BRI3: variants seen among roughly 807,000 people sequenced by gnomAD.
The protein encoded by BRI3 is brain protein I3.
In BRI3, 6 loss-of-function variants were observed where a neutral mutation model predicts 12.8. The observed-to-expected ratio is 0.47, with a 90% CI of 0.26 to 0.93. The LOEUF (loss-of-function observed/expected upper bound fraction) is 0.93, where lower values mean the gene tolerates loss of function less well. Among genes scored for constraint, BRI3 ranks in the 40% least tolerant of loss-of-function variants. BRI3 has a pLI of 0.15. For missense variants in BRI3, 134 were observed against 171.1 expected (o/e 0.78, Z 1.21); for synonymous variants, 91 against 76.1 (o/e 1.20, Z -1.02).
the BRI3 span, among the ~76,000 whole-genome samples, chr7:98,317,905 G>T: frequency 6.7e-6 from 1 of 149,982 alleles, no homozygotes; most frequent in Non-Finnish European, 1.5e-5. Flanking sequence ...TGCTGGCTGG[G>T]ACCCTCACCC....
At chr7:98,318,217 A>G in the BRI3 span, among the ~76,000 whole-genome samples, 1 of 152,196 alleles carries the variant, frequency 6.6e-6, no homozygotes, top group Non-Finnish European at 1.5e-5. Context: ...CCAAGTCTCT[A>G]AGGACATCTT....
chr7:98,302,252 G>A (rs1409824568), upstream of BRI3, among the ~76,000 whole-genome samples: 2 of 152,152 alleles, frequency 1.3e-5, no homozygotes, highest in African/African-American at 4.8e-5. Context: ...TTATCCACAC[G>A]ATAAATACGC....
the BRI3 span, among the ~76,000 whole-genome samples, chr7:98,316,244 A>G: frequency 6.6e-6 from 1 of 152,146 alleles, no homozygotes; most frequent in East Asian, 1.9e-4. Context: ...CTCCCCGGCC[A>G]TGTGGAACTG....
At chr7:98,311,487 G>A (rs912056842), downstream of BRI3, among the ~76,000 whole-genome samples, 1 of 151,660 alleles carries the variant, frequency 6.6e-6, no homozygotes, top group Non-Finnish European at 1.5e-5. Context: ...CCTACAGTGA[G>A]CCGAGATTGC....
exon 2 of BRI3, chr7:98,307,604 G>A: frequency 6.4e-7 from 1 of 1,565,214 alleles, no homozygotes; most frequent in Non-Finnish European, 8.7e-7. Context: ...ATGTGAGCAT[G>A]TCCACGAAGA....
chr7:98,302,588 GGGAACGCAGAAA>G (rs150628574), upstream of BRI3, among the ~76,000 whole-genome samples: 60,966 of 151,832 alleles, frequency 0.4, 13,335 homozygotes, highest in Middle Eastern at 0.54. Context: ...GGAGACACGG[GGGAACGCAGAAA>G]GGACACCAAC....
At chr7:98,318,358 G>A in the BRI3 span, among the ~76,000 whole-genome samples, 8 of 152,176 alleles carry the variant, frequency 5.3e-5, no homozygotes, top group African/African-American at 1.2e-4. Flanking sequence ...AGCTGAGATC[G>A]CGCCACTGCA....
the BRI3 span, among the ~76,000 whole-genome samples, chr7:98,318,437 C>T: frequency 6.6e-6 from 1 of 151,930 alleles, no homozygotes; most frequent in Non-Finnish European, 1.5e-5. Context: ...TACAGGCGCA[C>T]ACAACCACGC....
chr7:98,316,311 C>T, the BRI3 span, among the ~76,000 whole-genome samples: 1 of 152,016 alleles, frequency 6.6e-6, no homozygotes, highest in African/African-American at 2.4e-5. Context: ...TATGTCTTTA[C>T]CAGCAGCATG....
chr7:98,290,282 G>A lies in BRI3; in HGVS notation c.246-829G>A, dbSNP rs1210047410. Among the ~76,000 whole-genome samples the A allele has an allele frequency of 3.5e-5, 5 of 143,746 alleles. No homozygotes were observed. The South Asian group carries it at 1.2e-3, about 33-fold the overall frequency. The allele number at this position is 143,746 out of a possible 152,430, so 94.3% of individuals were successfully genotyped here. ...ACAATCTCGGCTCACTGCAAGCTCC[G>A]CTTCCTGGGTTCACGCCATTCTCCT... On this transcript the variant is annotated intron_variant, in intron 2 of 2. Coordinates refer to ENST00000297290, the MANE Select transcript of BRI3 (RefSeq NM_015379.5).
chr7:98,322,932 G>C, the BRI3 span: 4 of 152,238 alleles, frequency 2.6e-5, no homozygotes, highest in Non-Finnish European at 5.9e-5. Context: ...AGACAAGGTG[G>C]GGTCAGAGGC....
chr7:98,315,561 C>G, the BRI3 span: 1 of 1,498,656 alleles, frequency 6.7e-7, no homozygotes, highest in East Asian at 2.5e-5. Context: ...TTGCAACCAT[C>G]TGCAATGAAT....
chr7:98,320,243 A>G, the BRI3 span: 19 of 1,608,906 alleles, frequency 1.2e-5, no homozygotes, highest in East Asian at 3.8e-4. Context: ...GTACATTTTC[A>G]TCAAGACTCT....
At chr7:98,300,905 G>T (rs1223578593) in intron 1 of BRI3, among the ~76,000 whole-genome samples, 1 of 152,130 alleles carries the variant, frequency 6.6e-6, no homozygotes, top group African/African-American at 2.4e-5. Flanking sequence ...TCAGAGCCTG[G>T]CTCCGACGCT....
downstream of BRI3, among the ~76,000 whole-genome samples, chr7:98,297,335 G>C (rs1800234730): frequency 6.6e-6 from 1 of 152,214 alleles, no homozygotes; most frequent in Non-Finnish European, 1.5e-5. Context: ...CCAGGTTGGG[G>C]GACTAGTTGA....
chr7:98,305,046 T>TG (rs1800593353), upstream of BRI3, among the ~76,000 whole-genome samples: 1 of 120,618 alleles, frequency 8.3e-6, no homozygotes, highest in Admixed American at 8.4e-5. Context: ...TTTTGTTTTT[T>TG]GTTTTTTTTT....
exon 2 of BRI3, chr7:98,308,466 AT>A (rs1800748407): frequency 2.7e-6 from 1 of 366,200 alleles, no homozygotes; most frequent in Non-Finnish European, 5.4e-6. Flanking sequence ...CACAGCTGCC[AT>A]CCCGCCAGGC....
upstream of BRI3, chr7:98,306,349 GC>G: frequency 6.8e-7 from 1 of 1,470,212 alleles, no homozygotes; most frequent in East Asian, 2.3e-5. Flanking sequence ...TTAGGGCAGG[GC>G]CTGCGACACA....
chr7:98,313,716 TCAAA>T (rs1480057430), downstream of BRI3, among the ~76,000 whole-genome samples: 2 of 151,878 alleles, frequency 1.3e-5, no homozygotes, highest in African/African-American at 4.8e-5. Context: ...ACTCCTGGGC[TCAAA>T]CAATCCTTCC....
Sources: allele counts gnomAD v4.1 joint callset (sites outside exome capture counted in the v4.1 genomes callset), GRCh38; gene constraint gnomAD v4.1.1; transcripts MANE v1.5; gene names NCBI Gene and HGNC (gene_info 2026-07-23, HGNC 2026-07-21).